The following SLC6A13 variants were observed in gnomAD, a reference collection of about 807,000 sequenced individuals.
SLC6A13 encodes the protein sodium- and chloride-dependent GABA transporter 2.
A neutral mutation model predicts 72.9 loss-of-function variants in SLC6A13; 69 were observed. The observed-to-expected ratio is 0.95, with a 90% CI of 0.78 to 1.16. SLC6A13 has a LOEUF of 1.16. Ranked by LOEUF, SLC6A13 falls within the 50% of genes most tolerant of loss-of-function variation. The pLI, the probability that SLC6A13 is intolerant of heterozygous loss-of-function variation, is 0.00. For synonymous variants in SLC6A13, 303 were observed against 303.0 expected, an observed-to-expected ratio of 1.00 and a Z score of 0.00; for missense variants, 735 against 760.5, an observed-to-expected ratio of 0.97 and a Z score of 0.39.
At chr12:253,070 G>A (rs1942610719) in intron 2 of SLC6A13, among the ~76,000 whole-genome samples, 1 of 152,182 alleles carries the variant, frequency 6.6e-6, no homozygotes, top group African/African-American at 2.4e-5. Context: ...ATGGGGGGTG[G>A]AGTTCACAGT....
Position 235,155 on chromosome 12 carries a change from G to T in SLC6A13, c.766C>A (p.Pro256Thr), listed in dbSNP as rs753692670. Residue 256 changes from proline (P) to threonine (T), a missense_variant, in exon 7 of 15, where the codon CCT becomes ACT. Pro to Thr is a conservative substitution (Grantham distance 38, BLOSUM62 -1). Coordinates refer to ENST00000343164, the MANE Select transcript of SLC6A13 (RefSeq NM_016615.5). ...AACTGAATTCCTTGGGCTGCCCCAGGCAACGTCACCCCTCGAATTAACAGG... is the reference window on the plus strand; with the variant it reads ...AACTGAATTCCTTGGGCTGCCCCAGTCAACGTCACCCCTCGAATTAACAGG... The part of the protein sequence containing the change: ...VVLLIRGVTL[P>T]GAAQGIQFYL... 3.1e-6 allele frequency: 5 copies of T among 1,614,222 alleles called. No individual in the cohort carries two copies. The highest frequency in any genetic ancestry group is 4.2e-6 in the Non-Finnish European group (5 of 1,180,018).
Position 260,030 on chromosome 12 carries a change from G to A in SLC6A13, c.23C>T (p.Thr8Ile), listed in dbSNP as rs774804369. The change falls in exon 2 of 15, where the codon ACA becomes ATA. Residue 8 changes from threonine to isoleucine, a missense_variant. Physicochemically the swap from Thr to Ile is moderately conservative, Grantham distance 89. Transcript: ENST00000343164. Reference protein sequence around the residue: MDSRVSGTTSNGETKPVY... With the variant: MDSRVSGITSNGETKPVY... Reference sequence around the variant, plus strand: ...TGGTTTTGTCTCTCCATTACTGGTTGTGCCTGAGACCCTGCTATCCATCCC... The same window carrying A: ...TGGTTTTGTCTCTCCATTACTGGTTATGCCTGAGACCCTGCTATCCATCCC... 1.2e-6 allele frequency: 2 copies of A among 1,614,042 alleles called. No homozygotes were observed. Among genetic ancestry groups the A allele is most frequent in the South Asian group, 2.2e-5 (2 of 91,084 alleles).
intron 2 of SLC6A13, among the ~76,000 whole-genome samples, chr12:246,258 C>A (rs182959642): frequency 6.6e-6 from 1 of 152,154 alleles, no homozygotes; most frequent in East Asian, 1.9e-4. Flanking sequence ...ATGGAGGTTG[C>A]AGTGAACCGA....
intron 14 of SLC6A13, 120 bp from the exon 15 acceptor site, chr12:221,190 CCT>C: frequency 1.4e-6 from 2 of 1,388,002 alleles, no homozygotes; most frequent in Non-Finnish European, 1.9e-6. Flanking sequence ...CATCACAGCC[CCT>C]GTCTGGGAGT....
At chr12:245,035 G>C (rs1404107309) in intron 2 of SLC6A13, among the ~76,000 whole-genome samples, 1 of 152,188 alleles carries the variant, frequency 6.6e-6, no homozygotes, top group African/African-American at 2.4e-5. Flanking sequence ...ACAGTTCATA[G>C]GACACAGAGT....
intron 2 of SLC6A13, 131 bp downstream of exon 2, chr12:259,720 G>T: frequency 6.3e-7 from 1 of 1,582,476 alleles, no homozygotes; most frequent in South Asian, 1.1e-5. Context: ...TGTCCTTAAT[G>T]ACCTCTAAGC....
intron 2 of SLC6A13, among the ~76,000 whole-genome samples, chr12:244,851 GTTCCTTA>G (rs1375275370): frequency 6.6e-6 from 1 of 152,184 alleles, no homozygotes; most frequent in African/African-American, 2.4e-5. Flanking sequence ...ATAAATATCT[GTTCCTTA>G]TAAATTACCC....
intron 7 of SLC6A13, among the ~76,000 whole-genome samples, chr12:229,254 G>A (rs1352724365): frequency 6.6e-6 from 1 of 152,210 alleles, no homozygotes; most frequent in Non-Finnish European, 1.5e-5. Context: ...GCAAGGGGGT[G>A]TTTGCAAACT....
At chr12:259,430 G>C (rs900107132) in intron 2 of SLC6A13, 18 of 1,110,350 alleles carry the variant, frequency 1.6e-5, no homozygotes, top group Middle Eastern at 4.0e-4. Context: ...ATCATCAGCA[G>C]AGCTACTATT....
chr12:222,563 C>G lies in SLC6A13; in HGVS notation c.1484G>C (p.Cys495Ser). 1 of 1,610,002 alleles carries G rather than the reference C, an allele frequency of 6.2e-7. No homozygotes were observed. The highest frequency in any genetic ancestry group is 8.5e-7 in the Non-Finnish European group (1 of 1,177,726). ...GYRPWPLIKY[C>S]WLFLTPAVCT... ...CACAGCTGGTGTGAGGAAGAGCCAA[C>G]AGTATTTGATAAGAGGCCATGGCCT... The change falls in exon 13 of 15, where the codon TGT (cysteine) becomes TCT (serine). Residue 495 changes from cysteine (C) to serine (S), a missense_variant. Transcript: ENST00000343164.
rs550193748 is a variant in SLC6A13, at chr12:261,899, CT to C, written c.-6+889del. On this transcript the variant is annotated intron_variant, in intron 1 of 14. Transcript: ENST00000343164. Reference sequence around the variant, plus strand: ...CGAGATCGCGCCACTGCACTCCAGTCTGGGCAACAAAGCGAGACTCTGTCTC... The same window carrying C: ...CGAGATCGCGCCACTGCACTCCAGTCGGGCAACAAAGCGAGACTCTGTCTC... Among the ~76,000 whole-genome samples the C allele has an allele frequency of 2.9e-3, 445 of 150,960 alleles. 2 individuals carry two copies. Among genetic ancestry groups the C allele is most frequent in the African/African-American group, 0.01 (428 of 41,036 alleles).
Position 249,346 on chromosome 12 carries a change from C to A in SLC6A13, c.203-5533G>T, listed in dbSNP as rs1256268794. ...AATAAAATGGAAAACAGGAAAGCAA[C>A]AGAGAAAATCCATGAACCAAAAGCT... is the stretch of plus-strand genomic sequence containing the variant. On this transcript the variant is annotated intron_variant, in intron 2 of 14. Transcript: ENST00000343164. Among the ~76,000 whole-genome samples, 4 of 151,956 alleles carry A rather than the reference C, an allele frequency of 2.6e-5. No individual in the cohort carries two copies. In the East Asian group the frequency reaches 5.8e-4, roughly 22 times the overall value.
chr12:238,951 C>G (rs1942045315), intron 4 of SLC6A13, among the ~76,000 whole-genome samples: 1 of 151,274 alleles, frequency 6.6e-6, no homozygotes, highest in South Asian at 2.1e-4. Context: ...ATGTCACACC[C>G]CAGGTAAAGG....
At chr12:262,475 G>A (rs2137331925) in intron 1 of SLC6A13, among the ~76,000 whole-genome samples, 1 of 152,320 alleles carries the variant, frequency 6.6e-6, no homozygotes, top group Non-Finnish European at 1.5e-5. Context: ...TTTCAGTCCT[G>A]TCAGAGTTGA....
intron 4 of SLC6A13, chr12:238,434 T>A (rs1160554929): frequency 1.2e-6 from 1 of 809,852 alleles, no homozygotes; most frequent in South Asian, 1.4e-5. Flanking sequence ...CCCACGGGTA[T>A]GAACTGTGCA....
Position 243,878 on chromosome 12 carries a change from C to G in SLC6A13, c.203-65G>C, listed in dbSNP as rs566862142. ...TCTCCTCATGGTCTGCATTCACCTC[C>G]TCCCATTACCAACCCATACTGCCAG... On this transcript the variant is annotated intron_variant, in intron 2 of 14. Coordinates refer to ENST00000343164, the MANE Select transcript of SLC6A13 (RefSeq NM_016615.5). The G allele has an allele frequency of 4.0e-5, 61 of 1,509,196 alleles. No individual in the cohort carries two copies. In the East Asian group the frequency reaches 1.4e-3, roughly 34 times the overall value. 93.5% of individuals were successfully genotyped at this position (1,509,196 alleles called of 1,614,324 possible). A position where few individuals can be genotyped will look rare whatever the true frequency, so the allele number is the denominator to read the frequency against.
chr12:259,335 A>G (rs1418642485), intron 2 of SLC6A13: 1 of 1,009,418 alleles, frequency 9.9e-7, no homozygotes, highest in African/African-American at 1.8e-5. Flanking sequence ...ACTTAAGACC[A>G]CAGAACAGTT....
chr12:224,171 C>T (rs781522080), intron 10 of SLC6A13, 42 bp from the exon 11 acceptor site: 9 of 1,611,394 alleles, frequency 5.6e-6, no homozygotes, highest in East Asian at 2.2e-5. Flanking sequence ...GGAGAGCTCC[C>T]GAGATGCCCT....
intron 2 of SLC6A13, among the ~76,000 whole-genome samples, chr12:244,475 G>A (rs375167219): frequency 1.3e-5 from 2 of 152,136 alleles, no homozygotes; most frequent in South Asian, 2.1e-4. Flanking sequence ...GATCGCTTGA[G>A]CCCAGGACTT....
Sources: allele counts gnomAD v4.1 joint callset (sites outside exome capture counted in the v4.1 genomes callset), GRCh38; gene constraint gnomAD v4.1.1; transcripts MANE v1.5; gene names NCBI Gene and HGNC (gene_info 2026-07-23, HGNC 2026-07-21).